The following MYH10 variants were observed in gnomAD, a reference collection of about 807,000 sequenced individuals.
The protein encoded by MYH10 is myosin-10.
In MYH10, 55 loss-of-function variants were observed where a neutral mutation model predicts 257.8. The observed-to-expected ratio is 0.21, with a 90% CI of 0.17 to 0.27. The LOEUF is 0.27. Among genes scored for constraint, MYH10 ranks in the 10% least tolerant of loss-of-function variants. The pLI, the probability that MYH10 is intolerant of heterozygous loss-of-function variation, is 1.00. For synonymous variants in MYH10, 854 were observed against 921.7 expected, an observed-to-expected ratio of 0.93 and a Z score of 1.33; for missense variants, 1,631 against 2,500.6, an observed-to-expected ratio of 0.65 and a Z score of 7.42.
At position 8,490,783 on chromosome 17, in the gene MYH10, T is replaced by C. The variant is rs1297742659; in HGVS notation, c.4672-231A>G. Among the ~76,000 whole-genome samples the C allele has an allele frequency of 6.6e-6, 1 of 152,204 alleles. No individual in the cohort carries two copies. The highest frequency in any genetic ancestry group is 2.4e-5 in the African/African-American group (1 of 41,446). On this transcript the variant is annotated intron_variant, in intron 34 of 42. Coordinates refer to ENST00000360416, the MANE Select transcript of MYH10 (RefSeq NM_001256012.3). The surrounding 1 kb of genome is among the most constrained non-coding windows in gnomAD (Gnocchi z 4.1). ...CAGTGCGGATGTCTTTATTCCCACG[T>C]GTTCTCTGGTCATCCTCCTCTGATG...
intron 17 of MYH10, among the ~76,000 whole-genome samples, chr17:8,524,930 C>T (rs578084130): frequency 6.6e-6 from 1 of 152,248 alleles, no homozygotes; most frequent in East Asian, 1.9e-4. Context: ...GGCAAGTGAC[C>T]CAATTTCTCT....
intron 1 of MYH10, among the ~76,000 whole-genome samples, 177 bp downstream of exon 1, chr17:8,630,477 G>C (rs2085874914): frequency 1.3e-5 from 2 of 151,884 alleles, no homozygotes; most frequent in Non-Finnish European, 2.9e-5. Flanking sequence ...TAAGGTCCCC[G>C]CAGCACAAAC....
intron 1 of MYH10, among the ~76,000 whole-genome samples, chr17:8,628,801 T>C (rs775544451): frequency 5.9e-5 from 9 of 152,210 alleles, no homozygotes; most frequent in Non-Finnish European, 1.2e-4. Flanking sequence ...CTGAAGCATA[T>C]AGTCTTCCAC....
Position 8,577,258 on chromosome 17 carries a change from C to T in MYH10, c.611G>A (p.Gly204Glu). 6.2e-7 allele frequency: 1 copy of T among 1,611,576 alleles called. No homozygotes were observed. The highest frequency in any genetic ancestry group is 8.5e-7 in the Non-Finnish European group (1 of 1,178,240). Residue 204 changes from glycine (G) to glutamate (E), a missense_variant, in exon 5 of 43, where the codon GGA becomes GAA. By Grantham distance (98) the Gly-to-Glu change is moderately conservative. Coordinates refer to ENST00000360416, the MANE Select transcript of MYH10 (RefSeq NM_001256012.3). ...YLAHVASSHK[G>E]RKDHNIPQES... ...TACAGGAATATTATGGTCCTTTCTT[C>T]CTTTATGTGAAGAAGCAACATGGGC...
chr17:8,592,640 A>G (rs1163470487), intron 3 of MYH10, among the ~76,000 whole-genome samples: 1 of 151,614 alleles, frequency 6.6e-6, no homozygotes, highest in Non-Finnish European at 1.5e-5. Flanking sequence ...ATTAAAGAAA[A>G]TGAAATTGTA....
intron 6 of MYH10, among the ~76,000 whole-genome samples, chr17:8,571,763 A>C (rs2083351012): frequency 6.6e-6 from 1 of 152,098 alleles, no homozygotes; most frequent in Non-Finnish European, 1.5e-5. Flanking sequence ...CATCTCCAAA[A>C]AATAAAAAAT....
At chr17:8,576,611 C>T (rs1417995086) in intron 6 of MYH10, 32 bp downstream of exon 6, 9 of 1,545,358 alleles carry the variant, frequency 5.8e-6, no homozygotes. Flanking sequence ...TGCAAACACT[C>T]AAGACTAAGA....
chr17:8,520,555 CTGAA>C (rs2081620814), intron 19 of MYH10, among the ~76,000 whole-genome samples: 1 of 152,178 alleles, frequency 6.6e-6, no homozygotes, highest in Non-Finnish European at 1.5e-5. Context: ...GTAGAACTGT[CTGAA>C]TGAGTAAACT....
At position 8,577,914 on chromosome 17, in the gene MYH10, G is replaced by A. The variant is rs530429838; in HGVS notation, c.531-576C>T. Among the ~76,000 whole-genome samples the A allele has an allele frequency of 1.2e-4, 19 of 152,114 alleles. No individual in the cohort carries two copies. The South Asian group carries it at 3.7e-3, about 30-fold the overall frequency. ...CTCTTTTTTCCCTTGGGGGTGGGGG[G>A]GTTCTACCAGAGAAGTGAAATTTAT... On this transcript the variant is annotated intron_variant, in intron 4 of 42. Coordinates refer to ENST00000360416, the MANE Select transcript of MYH10 (RefSeq NM_001256012.3).
intron 3 of MYH10, among the ~76,000 whole-genome samples, chr17:8,601,894 G>A (rs182264798): frequency 3.8e-4 from 58 of 151,950 alleles, no homozygotes; most frequent in Non-Finnish European, 1.8e-4. Flanking sequence ...TACACTTAAA[G>A]ATGTGGGATG....
At position 8,506,178 on chromosome 17, in the gene MYH10, T is replaced by C; in HGVS notation, c.3386+140A>G. On this transcript the variant is annotated intron_variant, in intron 27 of 42. Transcript: ENST00000360416. This position sits in a 1 kb window ranked among gnomAD's most constrained non-coding sequence, Gnocchi z 5.0. ...ACACAAATTCTGTACGCCTGGGCTT[T>C]TCACTTTCTCAGGTCACACCAAACA... The C allele has an allele frequency of 1.2e-6, 1 of 802,974 alleles. No homozygotes were observed. Among genetic ancestry groups the C allele is most frequent in the Non-Finnish European group, 1.9e-6 (1 of 538,622 alleles). 49.7% of individuals were successfully genotyped at this position (802,974 alleles called of 1,614,324 possible).
intron 19 of MYH10, among the ~76,000 whole-genome samples, chr17:8,519,991 C>G (rs1408818464): frequency 6.6e-6 from 1 of 152,112 alleles, no homozygotes; most frequent in East Asian, 1.9e-4. Context: ...AGCTAAAAGA[C>G]TGTAATTGCA....
chr17:8,578,569 C>T (rs1032703168), intron 4 of MYH10, among the ~76,000 whole-genome samples: 2 of 152,116 alleles, frequency 1.3e-5, no homozygotes, highest in Non-Finnish European at 2.9e-5. Flanking sequence ...AATTTGTTGT[C>T]AAAATGAGTA....
chr17:8,577,537 C>A (rs1194891243), intron 4 of MYH10, among the ~76,000 whole-genome samples, 199 bp from the exon 5 acceptor site: 1 of 151,944 alleles, frequency 6.6e-6, no homozygotes, highest in Non-Finnish European at 1.5e-5. Flanking sequence ...CCAAATAATT[C>A]TTTTTTTTCT....
At chr17:8,491,074 T>TCA (rs1915687135) in intron 34 of MYH10, among the ~76,000 whole-genome samples, 1 of 152,226 alleles carries the variant, frequency 6.6e-6, no homozygotes, top group Non-Finnish European at 1.5e-5. Flanking sequence ...ACCATTTCCC[T>TCA]CATTCTCTGC....
Position 8,622,991 on chromosome 17 carries a change from TG to T in MYH10, c.255del (p.Lys86ArgfsTer8). The T allele has an allele frequency of 6.2e-7, 1 of 1,614,208 alleles. No individual in the cohort carries two copies. Among genetic ancestry groups the T allele is most frequent in the Non-Finnish European group, 8.5e-7 (1 of 1,180,020 alleles). On this transcript the variant is annotated frameshift_variant, in exon 2 of 43. Transcript: ENST00000360416. LOFTEE classifies it high-confidence loss of function. ...GTCAATTCTGCCATATCCTCCACCT[TG>T]GAAAACTTAGGTGGGTTCATCTTCT... The part of the protein sequence containing the change: ...DIQKMNPPKF[S>X]KVEDMAELTC...
chr17:8,567,599 C>T (rs1039153799), intron 7 of MYH10, among the ~76,000 whole-genome samples: 2 of 151,998 alleles, frequency 1.3e-5, no homozygotes, highest in African/African-American at 4.8e-5. Flanking sequence ...TTAGGGTGCA[C>T]CCTACTTCAA....
Position 8,567,017 on chromosome 17 carries a change from A to T in MYH10, c.756+2703T>A, listed in dbSNP as rs1053675318. ...GGAAACAGAATAGATTAGTAACTTG[A>T]TTTCTGTGGTAAGATAAACAATTTT... On this transcript the variant is annotated intron_variant, in intron 7 of 42. Transcript: ENST00000360416. 2.0e-5 allele frequency among the ~76,000 whole-genome samples: 3 copies of T among 152,144 alleles called. No homozygotes were observed. The South Asian group carries it at 6.2e-4, about 32-fold the overall frequency.
At chr17:8,607,168 T>C (rs984204268) in intron 2 of MYH10, among the ~76,000 whole-genome samples, 2 of 152,220 alleles carry the variant, frequency 1.3e-5, no homozygotes, top group South Asian at 2.1e-4. Context: ...CCCTCACTTT[T>C]TCATTCAAAA....
Sources: allele counts gnomAD v4.1 joint callset (sites outside exome capture counted in the v4.1 genomes callset), GRCh38; gene constraint gnomAD v4.1.1; non-coding constraint Gnocchi (gnomAD v3.1); transcripts MANE v1.5; gene names NCBI Gene and HGNC (gene_info 2026-07-23, HGNC 2026-07-21).